Variants in POGLUT1 observed in about 807,000 individuals in gnomAD.
The protein encoded by POGLUT1 is protein O-glucosyltransferase 1.
POGLUT1 carries 32 observed loss-of-function variants against 61.3 expected under a neutral mutation model. The ratio of observed to expected loss-of-function variants is 0.52; its 90% CI spans 0.39 to 0.70. POGLUT1 has a LOEUF of 0.70. Among genes scored for constraint, POGLUT1 ranks in the 30% least tolerant of loss-of-function variants. POGLUT1 has a pLI of 0.00. For missense variants in POGLUT1, 411 were observed against 469.8 expected (o/e 0.87, Z 1.16); for synonymous variants, 158 against 158.2 (o/e 1.00, Z 0.01).
rs1187140612 is a variant in POGLUT1 at position 119,494,568 on chromosome 3, C to T, written c.*2130C>T. ...TTGAAAATAATTTGTTTCCCCACAA[C>T]TTTTGAAGGTTTTATTTGTTGTTGT... On this transcript the variant is annotated 3_prime_UTR_variant, in exon 11 of 11. Coordinates refer to ENST00000295588, the MANE Select transcript of POGLUT1 (RefSeq NM_152305.3). The T allele has an allele frequency of 6.6e-6, 1 of 152,624 alleles. No individual in the cohort carries two copies. Among genetic ancestry groups the T allele is most frequent in the Non-Finnish European group, 1.5e-5 (1 of 68,036 alleles). 9.5% of individuals were successfully genotyped at this position (152,624 alleles called of 1,614,324 possible).
intron 4 of POGLUT1, 158 bp from the exon 5 acceptor site, chr3:119,479,893 T>A (rs866165383): frequency 6.6e-7 from 1 of 1,508,224 alleles, no homozygotes; most frequent in Middle Eastern, 1.7e-4. Context: ...CACTTTTGCC[T>A]TTTAATGTCT....
intron 3 of POGLUT1, among the ~76,000 whole-genome samples, chr3:119,472,202 G>GT (rs551936912): frequency 0.022 from 3,224 of 144,386 alleles, 84 homozygotes; most frequent in African/African-American, 0.07. Context: ...TTTGGAGTTT[G>GT]TTTTTTTTTT....
At chr3:119,476,309 C>A (rs2081537234) in intron 3 of POGLUT1, among the ~76,000 whole-genome samples, 2 of 152,158 alleles carry the variant, frequency 1.3e-5, no homozygotes, top group Non-Finnish European at 2.9e-5. Flanking sequence ...ACTTTTTGAT[C>A]TTTGCCAATC....
intron 3 of POGLUT1, 42 bp from the exon 4 acceptor site, chr3:119,477,271 C>T: frequency 1.2e-6 from 2 of 1,605,364 alleles, no homozygotes; most frequent in African/African-American, 2.7e-5. Context: ...CTAGAGCCTG[C>T]AGGCACTACT....
intron 8 of POGLUT1, 172 bp downstream of exon 8, chr3:119,489,159 G>A (rs1004571298): frequency 1.1e-4 from 50 of 446,780 alleles, no homozygotes; most frequent in Admixed American, 1.0e-4. Context: ...GTTCTGTGGC[G>A]ACTGTAGAGA....
intron 7 of POGLUT1, among the ~76,000 whole-genome samples, chr3:119,487,639 T>C (rs1415686197): frequency 6.6e-6 from 1 of 152,204 alleles, no homozygotes; most frequent in African/African-American, 2.4e-5. Context: ...TTATGGGCAC[T>C]GAAATTTGAA....
Position 119,494,073 on chromosome 3 carries a change from C to T in POGLUT1, c.*1635C>T, listed in dbSNP as rs2081785946. Reference sequence around the variant, plus strand: ...TCCCATTTAGCTTCAAGTTTCAGCTCAAACATCACCTTCTTTCTGACTCCT... The same window carrying T: ...TCCCATTTAGCTTCAAGTTTCAGCTTAAACATCACCTTCTTTCTGACTCCT... On this transcript the variant is annotated 3_prime_UTR_variant, in exon 11 of 11. Coordinates refer to ENST00000295588, the MANE Select transcript of POGLUT1 (RefSeq NM_152305.3). 6.6e-6 allele frequency: 1 copy of T among 152,172 alleles called. No homozygotes were observed. The highest frequency in any genetic ancestry group is 6.5e-5 in the Admixed American group (1 of 15,274). 9.4% of individuals were successfully genotyped at this position (152,172 alleles called of 1,614,324 possible).
At position 119,485,405 on chromosome 3, in the gene POGLUT1, A is replaced by G. The variant is rs1280791214; in HGVS notation, c.638+18A>G. ...GGATCAAGGTGAGTTATTTTCTGAC[A>G]TTTTACAAAGATATTCTTCCAAGTA... On this transcript the variant is annotated intron_variant, in intron 6 of 10. Transcript: ENST00000295588. The G allele has an allele frequency of 5.1e-6, 8 of 1,563,762 alleles. No homozygotes were observed. Among genetic ancestry groups the G allele is most frequent in the African/African-American group, 1.4e-5 (1 of 73,838 alleles).
intron 4 of POGLUT1, chr3:119,478,080 T>A: frequency 3.1e-6 from 1 of 322,036 alleles, no homozygotes; most frequent in South Asian, 2.7e-5. Flanking sequence ...AAGGAATGTC[T>A]TGTCAGTGCT....
Position 119,494,501 on chromosome 3 carries a change from A to G in POGLUT1, c.*2063A>G, listed in dbSNP as rs2081791681. 6.6e-6 allele frequency: 1 copy of G among 152,640 alleles called. No individual in the cohort carries two copies. The highest frequency in any genetic ancestry group is 2.1e-4 in the South Asian group (1 of 4,838). The allele number at this position is 152,640 out of a possible 1,614,324, so 9.5% of individuals were successfully genotyped here. On this transcript the variant is annotated 3_prime_UTR_variant, in exon 11 of 11. Transcript: ENST00000295588. ...TTGTACTTGTCTATCTGTTTACCTC[A>G]GTGTAGATGATATGAGGATGGTATA...
chr3:119,483,687 G>A (rs940858174), intron 5 of POGLUT1, among the ~76,000 whole-genome samples: 1 of 152,180 alleles, frequency 6.6e-6, no homozygotes, highest in Non-Finnish European at 1.5e-5. Context: ...TACTAGTGTT[G>A]CTGACATTTG....
Position 119,469,016 on chromosome 3 carries a change from C to A in POGLUT1, c.-6C>A, listed in dbSNP as rs1426636146. ...CAGCGGGGAATCTGCAGTAGGTCTGCCGGCGATGGAGTGGTGGGCTAGCTC... is the reference window on the plus strand; with the variant it reads ...CAGCGGGGAATCTGCAGTAGGTCTGACGGCGATGGAGTGGTGGGCTAGCTC... On this transcript the variant is annotated 5_prime_UTR_variant, in exon 1 of 11. Transcript: ENST00000295588. 1 of 1,605,950 alleles carries A rather than the reference C, an allele frequency of 6.2e-7. No homozygotes were observed. Among genetic ancestry groups the A allele is most frequent in the South Asian group, 1.1e-5 (1 of 90,394 alleles).
intron 9 of POGLUT1, among the ~76,000 whole-genome samples, chr3:119,491,132 T>C (rs577357980): frequency 2.0e-5 from 3 of 150,136 alleles, no homozygotes; most frequent in Non-Finnish European, 4.4e-5. Context: ...GCCAGAGTTA[T>C]CTGAATATTG....
chr3:119,480,981 C>T (rs2081599699), intron 5 of POGLUT1, among the ~76,000 whole-genome samples: 1 of 152,044 alleles, frequency 6.6e-6, no homozygotes, highest in South Asian at 2.1e-4. Flanking sequence ...CTCAAGTGAT[C>T]CACCCACCTC....
intron 10 of POGLUT1, 56 bp downstream of exon 10, chr3:119,491,630 C>A: frequency 1.2e-6 from 1 of 850,148 alleles, no homozygotes; most frequent in East Asian, 2.7e-5. Context: ...CCCATTATGC[C>A]CTAGCCAAAG....
chr3:119,491,816 A>G (rs1163196291), intron 10 of POGLUT1, among the ~76,000 whole-genome samples: 1 of 152,198 alleles, frequency 6.6e-6, no homozygotes, highest in Non-Finnish European at 1.5e-5. Flanking sequence ...GCACTCTGGA[A>G]GGCCGAGGTG....
intron 8 of POGLUT1, chr3:119,490,339 C>A: frequency 1.8e-6 from 1 of 554,674 alleles, no homozygotes; most frequent in Admixed American, 3.1e-5. Context: ...CCTCACCCTG[C>A]CATTCCCAGA....
At chr3:119,469,420 A>T (rs1577074464) in intron 1 of POGLUT1, among the ~76,000 whole-genome samples, 1 of 152,186 alleles carries the variant, frequency 6.6e-6, no homozygotes, top group Admixed American at 6.5e-5. Flanking sequence ...GGGGTCGGGG[A>T]TGGGGGCAAA....
At chr3:119,470,658 C>T (rs761679514) in intron 2 of POGLUT1, among the ~76,000 whole-genome samples, 6 of 152,138 alleles carry the variant, frequency 3.9e-5, no homozygotes, top group Non-Finnish European at 4.4e-5. Flanking sequence ...GTGTTGGTGC[C>T]GGTACTCCCA....
Sources: allele counts gnomAD v4.1 joint callset (sites outside exome capture counted in the v4.1 genomes callset), GRCh38; gene constraint gnomAD v4.1.1; transcripts MANE v1.5; gene names NCBI Gene and HGNC (gene_info 2026-07-23, HGNC 2026-07-21).